The following ZNF438 variants were observed in gnomAD, a reference collection of about 807,000 sequenced individuals.
ZNF438 encodes the protein zinc finger protein 438.
A neutral mutation model predicts 38.0 loss-of-function variants in ZNF438; 25 were observed. The observed-to-expected ratio is 0.66, with a 90% CI of 0.48 to 0.92. ZNF438 has a LOEUF of 0.92. Ranked by LOEUF, ZNF438 falls within the 40% of genes least tolerant of loss-of-function variation. ZNF438 has a pLI of 0.00. For synonymous variants in ZNF438, 372 were observed against 364.1 expected, an observed-to-expected ratio of 1.02 and a Z score of -0.25; for missense variants, 1,007 against 999.6, an observed-to-expected ratio of 1.01 and a Z score of -0.10.
intron 4 of ZNF438, among the ~76,000 whole-genome samples, chr10:30,854,212 C>A (rs963027368): frequency 6.6e-6 from 1 of 151,702 alleles, no homozygotes; most frequent in South Asian, 2.1e-4. Flanking sequence ...CCCAGCTACT[C>A]GGGAGGCTGA....
intron 1 of ZNF438, 119 bp from the exon 2 acceptor site, chr10:30,984,545 T>G (rs1298796854): frequency 6.6e-6 from 1 of 152,126 alleles, no homozygotes; most frequent in African/African-American, 2.4e-5. Context: ...TTTATTAAGA[T>G]AATAAAAGAA....
At chr10:30,972,847 C>T (rs1241951845) in intron 1 of ZNF438, among the ~76,000 whole-genome samples, 1 of 152,144 alleles carries the variant, frequency 6.6e-6, no homozygotes, top group East Asian at 1.9e-4. Flanking sequence ...TCAAGAAAGA[C>T]TTTTACTGTA....
chr10:30,883,491 A>G (rs1025923511), intron 3 of ZNF438, among the ~76,000 whole-genome samples: 2 of 152,206 alleles, frequency 1.3e-5, no homozygotes, highest in African/African-American at 2.4e-5. Flanking sequence ...GAATTAGGGT[A>G]TATTTTTATA....
chr10:30,845,615 A>G, intron 5 of ZNF438, 42 bp from the exon 7 acceptor site: 1 of 1,569,188 alleles, frequency 6.4e-7, no homozygotes, highest in Non-Finnish European at 8.6e-7. Flanking sequence ...TTCATGGAAA[A>G]ATGCAATTGG....
At chr10:30,866,782 C>T (rs1419710143) in intron 4 of ZNF438, among the ~76,000 whole-genome samples, 4 of 151,494 alleles carry the variant, frequency 2.6e-5, no homozygotes, top group Non-Finnish European at 5.9e-5. Context: ...TGCAGTGAGC[C>T]GAGATCGCGC....
chr10:30,858,559 C>T (rs192032062), intron 4 of ZNF438, among the ~76,000 whole-genome samples: 29 of 152,334 alleles, frequency 1.9e-4, no homozygotes, highest in African/African-American at 6.3e-4. Flanking sequence ...CACTGTAAAA[C>T]GTGCCGGCAA....
intron 2 of ZNF438, among the ~76,000 whole-genome samples, chr10:30,914,553 CG>C (rs2043403324): frequency 6.6e-6 from 1 of 151,664 alleles, no homozygotes; most frequent in Admixed American, 6.6e-5. Context: ...ATTGTGTAAG[CG>C]GTGCATGGAA....
upstream of ZNF438, among the ~76,000 whole-genome samples, chr10:31,032,217 G>A (rs1166405184): frequency 6.6e-6 from 1 of 152,242 alleles, no homozygotes; most frequent in Non-Finnish European, 1.5e-5. Context: ...GCTGGAGTAA[G>A]ACGCCTGGGT....
intron 1 of ZNF438, among the ~76,000 whole-genome samples, chr10:31,030,486 C>T (rs1248599922): frequency 1.3e-5 from 2 of 152,252 alleles, no homozygotes; most frequent in African/African-American, 4.8e-5. Flanking sequence ...CATTTGCACT[C>T]TCGTGATCTC....
chr10:30,948,470 C>G (rs1489469772), intron 1 of ZNF438, among the ~76,000 whole-genome samples: 2 of 152,070 alleles, frequency 1.3e-5, no homozygotes, highest in Non-Finnish European at 2.9e-5. Flanking sequence ...GGAGGACATT[C>G]AAACCAAAGG....
intron 4 of ZNF438, chr10:30,875,394 A>G: frequency 1.0e-6 from 1 of 982,960 alleles, no homozygotes; most frequent in Non-Finnish European, 1.2e-6. Context: ...ACTGAGGCTC[A>G]GGGGCAAAAT....
intron 5 of ZNF438, among the ~76,000 whole-genome samples, chr10:30,848,309 A>G (rs2032763579): frequency 6.6e-6 from 1 of 152,236 alleles, no homozygotes; most frequent in African/African-American, 2.4e-5. Flanking sequence ...AACTATATAC[A>G]GTACTTTACT....
intron 1 of ZNF438, among the ~76,000 whole-genome samples, chr10:31,010,134 A>C (rs188685291): frequency 2.0e-5 from 3 of 152,358 alleles, no homozygotes; most frequent in Non-Finnish European, 4.4e-5. Flanking sequence ...GAAATGAGCC[A>C]CAGTGCCCGG....
intron 1 of ZNF438, among the ~76,000 whole-genome samples, chr10:30,986,660 C>G (rs1458219873): frequency 1.3e-4 from 20 of 152,130 alleles, no homozygotes; most frequent in Non-Finnish European, 7.4e-5. Context: ...AATTTTGAAA[C>G]ATTTGCATTA....
At chr10:30,941,893 T>C (rs1414363354) in intron 1 of ZNF438, among the ~76,000 whole-genome samples, 1 of 152,216 alleles carries the variant, frequency 6.6e-6, no homozygotes, top group Non-Finnish European at 1.5e-5. Context: ...TGCTAAAAAT[T>C]CTAGAAAATA....
chr10:30,939,870 T>C (rs1564688264), intron 2 of ZNF438, among the ~76,000 whole-genome samples: 1 of 152,310 alleles, frequency 6.6e-6, no homozygotes, highest in East Asian at 1.9e-4. Context: ...CTGGTACCAG[T>C]GAGTTAAATA....
At chr10:31,024,615 G>A (rs1196841533) in intron 1 of ZNF438, among the ~76,000 whole-genome samples, 3 of 151,606 alleles carry the variant, frequency 2.0e-5, no homozygotes, top group East Asian at 1.9e-4. Context: ...GCGACAGAGC[G>A]AGACTCTGTC....
intron 4 of ZNF438, among the ~76,000 whole-genome samples, chr10:30,855,585 T>C (rs1466491970): frequency 6.6e-6 from 1 of 152,108 alleles, no homozygotes; most frequent in East Asian, 1.9e-4. Context: ...TTAGTAGAAA[T>C]GCAAGGCAGG....
chr10:30,958,448 T>C (rs758312478), intron 1 of ZNF438, among the ~76,000 whole-genome samples: 4 of 147,038 alleles, frequency 2.7e-5, no homozygotes, highest in Non-Finnish European at 6.2e-5. Context: ...TAGAGCAAAA[T>C]CCATGATCCA....
Sources: allele counts gnomAD v4.1 joint callset (sites outside exome capture counted in the v4.1 genomes callset), GRCh38; gene constraint gnomAD v4.1.1; transcripts MANE v1.5; gene names NCBI Gene and HGNC (gene_info 2026-07-23, HGNC 2026-07-21).